The following GDPD1 variants were observed in gnomAD, a reference collection of about 807,000 sequenced individuals.
GDPD1 encodes the protein lysophospholipase D GDPD1.
GDPD1 carries 28 observed loss-of-function variants against 45.1 expected under a neutral mutation model. That is an observed-to-expected ratio of 0.62 (90% CI 0.46 to 0.85). The LOEUF is 0.85. Ranked by LOEUF, GDPD1 falls within the 40% of genes least tolerant of loss-of-function variation. The pLI, the probability that GDPD1 is intolerant of heterozygous loss-of-function variation, is 0.00. For synonymous variants in GDPD1, 139 were observed against 131.4 expected (o/e 1.06, Z -0.40); for missense variants, 256 against 364.8 (o/e 0.70, Z 2.43).
chr17:59,250,385 C>A (rs1006345107), intron 4 of GDPD1, among the ~76,000 whole-genome samples: 1 of 151,974 alleles, frequency 6.6e-6, no homozygotes, highest in Non-Finnish European at 1.5e-5. Flanking sequence ...CTTTGAGAGG[C>A]CAAGGCGGGA....
Position 59,222,504 on chromosome 17 carries a change from CCT to C in GDPD1, c.142+1754_142+1755del, listed in dbSNP as rs1491537030. Among the ~76,000 whole-genome samples, 13 of 72,834 alleles carry C rather than the reference CCT, an allele frequency of 1.8e-4. 1 individual carries two copies. The East Asian group carries it at 3.6e-3, about 20-fold the overall frequency. The allele number at this position is 72,834 out of a possible 152,430, so 47.8% of individuals were successfully genotyped here. A position where few individuals can be genotyped will look rare whatever the true frequency, so the allele number is the denominator to read the frequency against. ...TACAGGCGTGAGCCACAGTGCCCAG[CCT>C]TTTTTTTTTTTTTTTTTTTTTTTTT... On this transcript the variant is annotated intron_variant, in intron 1 of 9. Coordinates refer to ENST00000284116, the MANE Select transcript of GDPD1 (RefSeq NM_182569.4).
Position 59,255,833 on chromosome 17 carries a change from A to G in GDPD1, c.368-1289A>G, listed in dbSNP as rs556308772. On this transcript the variant is annotated intron_variant, in intron 4 of 9. Transcript: ENST00000284116. Reference sequence around the variant, plus strand: ...TATACGCGTATATATATATACGCGTATATATATATATATATATACACACGT... The same window carrying G: ...TATACGCGTATATATATATACGCGTGTATATATATATATATATACACACGT... 6.6e-3 allele frequency among the ~76,000 whole-genome samples: 145 copies of G among 22,108 alleles called. 8 individuals are homozygous for G. Among genetic ancestry groups the G allele is most frequent in the Non-Finnish European group, 9.4e-3 (119 of 12,724 alleles). 14.5% of individuals were successfully genotyped at this position (22,108 alleles called of 152,430 possible). A position where few individuals can be genotyped will look rare whatever the true frequency, so the allele number is the denominator to read the frequency against.
intron 3 of GDPD1, 151 bp downstream of exon 3, chr17:59,245,700 T>G (rs2047205445): frequency 1.7e-6 from 1 of 590,140 alleles, no homozygotes; most frequent in Non-Finnish European, 2.8e-6. Flanking sequence ...AAAACTACTT[T>G]GAGGCCAACT....
chr17:59,261,963 G>A (rs1317276781), intron 6 of GDPD1, among the ~76,000 whole-genome samples: 1 of 128,954 alleles, frequency 7.8e-6, no homozygotes, highest in Non-Finnish European at 1.5e-5. Context: ...TGTCGCCCAG[G>A]CTGGAGTGCA....
intron 1 of GDPD1, among the ~76,000 whole-genome samples, chr17:59,232,991 A>G (rs1457604257): frequency 6.6e-6 from 1 of 151,380 alleles, no homozygotes; most frequent in Admixed American, 6.6e-5. Flanking sequence ...TGAGGTGGGC[A>G]GATCACTTGA....
At chr17:59,229,317 TA>T (rs906865087) in intron 1 of GDPD1, among the ~76,000 whole-genome samples, 30 of 115,648 alleles carry the variant, frequency 2.6e-4, no homozygotes, top group African/African-American at 1.3e-3. Flanking sequence ...CATGCCTGGC[TA>T]AATTTTTTTT....
intron 2 of GDPD1, among the ~76,000 whole-genome samples, chr17:59,239,202 T>A (rs2047157189): frequency 6.6e-6 from 1 of 152,214 alleles, no homozygotes; most frequent in Admixed American, 6.5e-5. Context: ...TGACTATCTA[T>A]GAAATGGGAA....
At chr17:59,264,375 C>T (rs951158810) in intron 6 of GDPD1, among the ~76,000 whole-genome samples, 17 of 152,008 alleles carry the variant, frequency 1.1e-4, no homozygotes, top group Admixed American at 3.3e-4. Flanking sequence ...CTCACTGCAA[C>T]CTCCACCTCC....
rs1439631604 is a variant in GDPD1 at position 59,274,147 on chromosome 17, T to G, written c.*374T>G. On this transcript the variant is annotated 3_prime_UTR_variant, in exon 10 of 10. Transcript: ENST00000284116. ...AACCTAGAAACTAGGTTATCTAGGTTATTGATCAAGATTTCTGTAGATGAT... is the reference window on the plus strand; with the variant it reads ...AACCTAGAAACTAGGTTATCTAGGTGATTGATCAAGATTTCTGTAGATGAT... 1.1e-6 allele frequency: 1 copy of G among 924,858 alleles called. No homozygotes were observed. Among genetic ancestry groups the G allele is most frequent in the Non-Finnish European group, 1.3e-6 (1 of 775,830 alleles). 57.3% of individuals were successfully genotyped at this position (924,858 alleles called of 1,614,324 possible).
intron 6 of GDPD1, among the ~76,000 whole-genome samples, chr17:59,259,355 T>C (rs56831956): frequency 0.44 from 66,792 of 150,842 alleles, 16,521 homozygotes; most frequent in African/African-American, 0.68. Context: ...ATCACGAGGT[T>C]GGGAGATTGA....
intron 3 of GDPD1, among the ~76,000 whole-genome samples, chr17:59,246,533 AC>A (rs2047212557): frequency 6.6e-6 from 1 of 151,380 alleles, no homozygotes; most frequent in South Asian, 2.1e-4. Context: ...ACATGGTGAA[AC>A]CCCATCTCTA....
chr17:59,238,729 G>A (rs991779634), intron 2 of GDPD1, among the ~76,000 whole-genome samples: 2 of 152,096 alleles, frequency 1.3e-5, no homozygotes, highest in Non-Finnish European at 2.9e-5. Flanking sequence ...TATTTCATTA[G>A]GAGCAGGAAT....
chr17:59,272,285 A>G (rs2047450084), intron 8 of GDPD1, among the ~76,000 whole-genome samples: 1 of 152,216 alleles, frequency 6.6e-6, no homozygotes, highest in African/African-American at 2.4e-5. Flanking sequence ...GAACAAAAAA[A>G]TATTTTTTCC....
In GDPD1 at chr17:59,257,687, G is replaced by A. The variant is rs2047319784; in HGVS notation, c.487-64G>A. ...TAGTCAATTCTAATTCATTTTTTAA[G>A]TGAAATGTTGTTAGTGGATTTGCAA... On this transcript the variant is annotated intron_variant, in intron 5 of 9. Coordinates refer to ENST00000284116, the MANE Select transcript of GDPD1 (RefSeq NM_182569.4). 7 of 961,748 alleles carry A rather than the reference G, an allele frequency of 7.3e-6. No homozygotes were observed. In the East Asian group the frequency reaches 7.6e-5, roughly 10 times the overall value. The allele number at this position is 961,748 out of a possible 1,614,324, so 59.6% of individuals were successfully genotyped here.
At position 59,245,529 on chromosome 17, in the gene GDPD1, A is replaced by G. The variant is rs2047203706; in HGVS notation, c.301A>G (p.Ile101Val). 1 of 1,610,062 alleles carries G rather than the reference A, an allele frequency of 6.2e-7. No individual in the cohort carries two copies. The highest frequency in any genetic ancestry group is 8.5e-7 in the Non-Finnish European group (1 of 1,177,298). Residue 101 changes from isoleucine (I) to valine (V), a missense_variant, in exon 3 of 10, where the codon ATC (isoleucine) becomes GTC (valine). By Grantham distance (29) the Ile-to-Val change is conservative (BLOSUM62 3). Coordinates refer to ENST00000284116, the MANE Select transcript of GDPD1 (RefSeq NM_182569.4). Reference sequence around the variant, plus strand: ...GAGAGCAACTGGGGTCAATGTAAACATCTCTGATCTCAAATACTGTGTAAG... The same window carrying G: ...GAGAGCAACTGGGGTCAATGTAAACGTCTCTGATCTCAAATACTGTGTAAG... ...LKRATGVNVN[I>V]SDLKYCELPP...
At chr17:59,272,334 C>T (rs898456765) in intron 8 of GDPD1, among the ~76,000 whole-genome samples, 1 of 152,294 alleles carries the variant, frequency 6.6e-6, no homozygotes, top group East Asian at 1.9e-4. Flanking sequence ...CATAATGCTT[C>T]TAACATCGCT....
intron 1 of GDPD1, among the ~76,000 whole-genome samples, chr17:59,230,370 ATTTTTTT>A (rs942416287): frequency 2.5e-5 from 2 of 80,072 alleles, no homozygotes; most frequent in South Asian, 4.4e-4. Context: ...CAGTTGTAGA[ATTTTTTT>A]TTTTTTTTTT....
intron 1 of GDPD1, among the ~76,000 whole-genome samples, chr17:59,233,146 G>A (rs1280035309): frequency 2.0e-5 from 3 of 152,118 alleles, no homozygotes; most frequent in African/African-American, 4.8e-5. Flanking sequence ...AACCTTTCAG[G>A]TGGAGGTTGC....
At chr17:59,238,571 G>A (rs1040010322) in intron 2 of GDPD1, among the ~76,000 whole-genome samples, 1 of 151,754 alleles carries the variant, frequency 6.6e-6, no homozygotes, top group African/African-American at 2.4e-5. Context: ...ATGCCAGCAT[G>A]CCCAGCTAAT....
Sources: allele counts gnomAD v4.1 joint callset (sites outside exome capture counted in the v4.1 genomes callset), GRCh38; gene constraint gnomAD v4.1.1; transcripts MANE v1.5; gene names NCBI Gene and HGNC (gene_info 2026-07-23, HGNC 2026-07-21).